Variants in DMD observed in about 807,000 individuals in gnomAD.
DMD encodes dystrophin, also known as mutant dystrophin.
A neutral mutation model predicts 330.1 loss-of-function variants in DMD; 63 were observed. The observed-to-expected ratio is 0.19, with a 90% confidence interval of 0.16 to 0.24. The LOEUF (loss-of-function observed/expected upper bound fraction) is 0.24, where lower values mean the gene tolerates loss of function less well. Among genes scored for constraint, DMD ranks in the 10% least tolerant of loss-of-function variants. The pLI, the probability that DMD is intolerant of heterozygous loss-of-function variation, is 1.00. For missense variants in DMD, 3,344 were observed against 2,684.1 expected, an observed-to-expected ratio of 1.25 and a Z score of -5.43; for synonymous variants, 1,223 against 959.8, an observed-to-expected ratio of 1.27 and a Z score of -5.07.
At chrX:31,375,715 G>A (rs969795920) in intron 60 of DMD, among the ~76,000 whole-genome samples, 1 of 111,746 alleles carries the variant, frequency 8.9e-6, no homozygotes, top group African/African-American at 3.3e-5. Context: ...GGGGAAAGGA[G>A]GAAATGAGAA....
At position 33,124,500 on chromosome X, in the gene DMD, A is replaced by AAAAAAAAAC. The variant is rs1569555865; in HGVS notation, c.31+86781_31+86782insGTTTTTTTT. 4.0e-3 allele frequency among the ~76,000 whole-genome samples: 422 copies of AAAAAAAAAC among 104,389 alleles called. 2 individuals are homozygous for AAAAAAAAAC. Among genetic ancestry groups the AAAAAAAAAC allele is most frequent in the African/African-American group, 0.015 (400 of 27,182 alleles). 90.6% of individuals were successfully genotyped at this position (104,389 alleles called of 115,157 possible). A position where few individuals can be genotyped will look rare whatever the true frequency, so the allele number is the denominator to read the frequency against. On this transcript the variant is annotated intron_variant, in intron 1 of 78. Coordinates refer to ENST00000357033, the MANE Select transcript of DMD (RefSeq NM_004006.3). ...TGAAAAAAAAAAAAAAAAAAAAAAA[A>AAAAAAAAAC]AAAAAAAAAACCGAAAGAAATAAAA...
At chrX:32,231,376 T>A (rs1478537164) in intron 43 of DMD, among the ~76,000 whole-genome samples, 2 of 112,041 alleles carry the variant, frequency 1.8e-5, no homozygotes, top group Non-Finnish European at 3.8e-5. Context: ...TAGAAAGGTA[T>A]GACATTTTTC....
intron 44 of DMD, among the ~76,000 whole-genome samples, chrX:32,142,228 A>G (rs1254304174): frequency 3.6e-5 from 4 of 111,548 alleles, no homozygotes; most frequent in Non-Finnish European, 7.5e-5. Flanking sequence ...CTCCAGAGAG[A>G]CACTCTGCAA....
chrX:32,395,599 C>G (rs1042894681), intron 30 of DMD, among the ~76,000 whole-genome samples: 8 of 106,395 alleles, frequency 7.5e-5, no homozygotes, highest in African/African-American at 3.1e-4. Context: ...ACAGAAAAAC[C>G]CATGCTCTGT....
chrX:33,259,543 AT>A (rs1266236046), intron 1 of DMD, among the ~76,000 whole-genome samples: 4 of 103,692 alleles, frequency 3.9e-5, no homozygotes, highest in Non-Finnish European at 7.9e-5. Flanking sequence ...TGGATTTCAA[AT>A]TTTCAGATTT....
At chrX:31,257,673 T>C (rs745697084) in intron 63 of DMD, among the ~76,000 whole-genome samples, 1 of 112,465 alleles carries the variant, frequency 8.9e-6, no homozygotes, top group East Asian at 2.8e-4. Context: ...GGCTGGGCGC[T>C]GTGGCTTACG....
chrX:32,932,660 A>G (rs932036180), intron 2 of DMD, among the ~76,000 whole-genome samples: 1 of 112,059 alleles, frequency 8.9e-6, no homozygotes, highest in African/African-American at 3.2e-5. Flanking sequence ...GAGAATGGCA[A>G]TGAGCTTTGG....
At chrX:33,114,434 C>T (rs779987625) in intron 1 of DMD, among the ~76,000 whole-genome samples, 1 of 111,155 alleles carries the variant, frequency 9.0e-6, no homozygotes, top group Admixed American at 9.7e-5. Context: ...TCTTAAAATT[C>T]AACTTAAAAA....
chrX:31,655,854 G>C (rs1419073983), intron 54 of DMD, among the ~76,000 whole-genome samples: 1 of 111,635 alleles, frequency 9.0e-6, no homozygotes, highest in Non-Finnish European at 1.9e-5. Flanking sequence ...CCAGTCTGTG[G>C]TATTTTGTTA....
chrX:31,849,906 T>A (rs1405686685), intron 48 of DMD, among the ~76,000 whole-genome samples: 1 of 111,442 alleles, frequency 9.0e-6, no homozygotes, highest in Non-Finnish European at 1.9e-5. Context: ...TAATTTTTTT[T>A]AACTTTTATT....
intron 12 of DMD, among the ~76,000 whole-genome samples, chrX:32,598,392 G>A (rs1414310560): frequency 1.8e-5 from 2 of 111,107 alleles, no homozygotes; most frequent in Admixed American, 1.9e-4. Flanking sequence ...GACAGGACTG[G>A]GAACATTTTG....
intron 2 of DMD, among the ~76,000 whole-genome samples, chrX:32,912,275 T>C (rs1236129980): frequency 9.9e-5 from 11 of 110,972 alleles, no homozygotes; most frequent in Non-Finnish European, 2.1e-4. Context: ...AGCACTCTTG[T>C]GTCTTCCCTG....
chrX:31,465,370 G>A (rs981357428), intron 59 of DMD, among the ~76,000 whole-genome samples: 1 of 109,894 alleles, frequency 9.1e-6, no homozygotes, highest in African/African-American at 3.3e-5. Context: ...CCCACCCCTC[G>A]ACAGGCCCCG....
chrX:32,879,314 GGAA>G (rs1483623049), intron 2 of DMD, among the ~76,000 whole-genome samples: 1 of 111,441 alleles, frequency 9.0e-6, no homozygotes, highest in East Asian at 2.8e-4. Flanking sequence ...CAGCATTGGA[GGAA>G]GAAAGAGTCA....
At chrX:32,289,899 C>T (rs983761219) in intron 42 of DMD, among the ~76,000 whole-genome samples, 6 of 112,027 alleles carry the variant, frequency 5.4e-5, no homozygotes, top group African/African-American at 1.3e-4. Context: ...GCCCATGCCA[C>T]TGCACTGCCT....
chrX:31,259,553 C>T (rs527407207), intron 63 of DMD, among the ~76,000 whole-genome samples: 4 of 111,835 alleles, frequency 3.6e-5, no homozygotes, highest in South Asian at 3.8e-4. Context: ...AAATTTTAAA[C>T]GTTTACACAC....
At chrX:32,538,328 GC>G (rs1169384447) in intron 17 of DMD, among the ~76,000 whole-genome samples, 1 of 111,323 alleles carries the variant, frequency 9.0e-6, no homozygotes, top group African/African-American at 3.3e-5. Context: ...CCTTAACCGA[GC>G]GATTAACCTT....
At chrX:31,353,374 G>T (rs1308312676) in intron 60 of DMD, among the ~76,000 whole-genome samples, 2 of 111,720 alleles carry the variant, frequency 1.8e-5, no homozygotes. Flanking sequence ...TCAGTATAGT[G>T]TAAAACAGAT....
intron 9 of DMD, among the ~76,000 whole-genome samples, chrX:32,652,374 A>C (rs1466728404): frequency 1.0e-5 from 1 of 99,930 alleles, no homozygotes; most frequent in Non-Finnish European, 2.0e-5. Flanking sequence ...CCCATGAGTG[A>C]GAACATGTGG....
Sources: gnomAD v4.1 joint callset for allele counts (sites outside exome capture counted in the v4.1 genomes callset) on GRCh38, gnomAD v4.1.1 for gene constraint, MANE v1.5 for transcripts, NCBI Gene and HGNC (gene_info 2026-07-23, HGNC 2026-07-21) for gene names.